Variants in SCNN1B observed in about 807,000 individuals in gnomAD.
The protein encoded by SCNN1B is epithelial sodium channel subunit beta.
SCNN1B carries 46 observed loss-of-function variants against 65.3 expected under a neutral mutation model. The observed-to-expected ratio is 0.70, with a 90% CI of 0.56 to 0.90. The LOEUF (loss-of-function observed/expected upper bound fraction) is 0.90, where lower values mean the gene tolerates loss of function less well. Among genes scored for constraint, SCNN1B ranks in the 40% least tolerant of loss-of-function variants. SCNN1B has a pLI of 0.00. For missense variants in SCNN1B, 751 were observed against 830.5 expected (o/e 0.90, Z 1.18); for synonymous variants, 349 against 330.6 (o/e 1.06, Z -0.60).
At chr16:23,328,614 G>C (rs1473489104) in intron 1 of SCNN1B, among the ~76,000 whole-genome samples, 1 of 152,178 alleles carries the variant, frequency 6.6e-6, no homozygotes, top group African/African-American at 2.4e-5. Flanking sequence ...GAACCCAGGA[G>C]GTACTGGAAA....
intron 1 of SCNN1B, among the ~76,000 whole-genome samples, chr16:23,280,990 T>C (rs1960776668): frequency 6.6e-6 from 1 of 152,016 alleles, no homozygotes; most frequent in African/African-American, 2.4e-5. Context: ...GCCAGAAAAA[T>C]TTAGAGTACA....
At chr16:23,369,654 C>T (rs76377130) in intron 5 of SCNN1B, among the ~76,000 whole-genome samples, 11,905 of 152,120 alleles carry the variant, frequency 0.078, 565 homozygotes, top group South Asian at 0.19. Flanking sequence ...CCATCGGGGC[C>T]GCTGGCCAAG....
intron 2 of SCNN1B, among the ~76,000 whole-genome samples, chr16:23,351,180 C>T (rs1156337286): frequency 6.6e-6 from 1 of 152,156 alleles, no homozygotes; most frequent in Non-Finnish European, 1.5e-5. Flanking sequence ...TTGGTGGGTT[C>T]TTAGAGCTGC....
chr16:23,336,122 A>T (rs1961934222), intron 1 of SCNN1B, among the ~76,000 whole-genome samples: 1 of 152,102 alleles, frequency 6.6e-6, no homozygotes, highest in Non-Finnish European at 1.5e-5. Flanking sequence ...AAGCCAGGCA[A>T]TCTGGTTTCT....
rs200100037 is a variant in SCNN1B at position 23,377,720 on chromosome 16, T to C, written c.1404+334T>C. 1.2e-3 allele frequency among the ~76,000 whole-genome samples: 11 copies of C among 9,106 alleles called. No homozygotes were observed. In the South Asian group the frequency reaches 0.039, roughly 32 times the overall value. 6.0% of individuals were successfully genotyped at this position (9,106 alleles called of 152,430 possible). A position where few individuals can be genotyped will look rare whatever the true frequency, so the allele number is the denominator to read the frequency against. On this transcript the variant is annotated intron_variant, in intron 10 of 12. Coordinates refer to ENST00000343070, the MANE Select transcript of SCNN1B (RefSeq NM_000336.3). ...CTTCCTTCTTTCCTTTCCTCCTTCC[T>C]TCTCCCTCCCTCCCCACTTCTGTTT...
intron 1 of SCNN1B, among the ~76,000 whole-genome samples, chr16:23,315,153 A>G (rs557840226): frequency 5.9e-5 from 9 of 152,182 alleles, no homozygotes; most frequent in Middle Eastern, 3.4e-3. Context: ...CCTGACCAAC[A>G]TGGAGAAATC....
In SCNN1B at chr16:23,365,603, A is replaced by AAGAGAG. The variant is rs1491364246; in HGVS notation, c.777-2250_777-2249insGAGAGA. On this transcript the variant is annotated intron_variant, in intron 4 of 12. Transcript: ENST00000343070. ...AGAAAGAAAGAGAAAGAAAGAAAGA[A>AAGAGAG]AGAAAGAAAGAAAGAAAAAAGAAAG... Among the ~76,000 whole-genome samples, 94 of 93,750 alleles carry AAGAGAG rather than the reference A, an allele frequency of 1.0e-3. 2 individuals are homozygous for AAGAGAG. In the South Asian group the frequency reaches 0.017, roughly 17 times the overall value. The allele number at this position is 93,750 out of a possible 152,430, so 61.5% of individuals were successfully genotyped here. A position where few individuals can be genotyped will look rare whatever the true frequency, so the allele number is the denominator to read the frequency against.
intron 10 of SCNN1B, among the ~76,000 whole-genome samples, chr16:23,377,607 C>G (rs868638999): frequency 8.8e-6 from 1 of 113,266 alleles, no homozygotes; most frequent in South Asian, 2.7e-4. Flanking sequence ...TCCTTCCTTC[C>G]TTCTTTCTTC....
intron 2 of SCNN1B, among the ~76,000 whole-genome samples, chr16:23,352,027 G>A (rs915679475): frequency 5.3e-5 from 8 of 152,292 alleles, no homozygotes; most frequent in South Asian, 4.1e-4. Flanking sequence ...ATATGGGGAC[G>A]GTAACAGACT....
chr16:23,343,704 A>C (rs1237768864), intron 1 of SCNN1B, among the ~76,000 whole-genome samples: 1 of 152,082 alleles, frequency 6.6e-6, no homozygotes, highest in Non-Finnish European at 1.5e-5. Context: ...TTCCACATTT[A>C]TTGTTTTTGC....
intron 1 of SCNN1B, among the ~76,000 whole-genome samples, chr16:23,321,162 C>T (rs1961578981): frequency 1.3e-5 from 2 of 152,202 alleles, no homozygotes; most frequent in South Asian, 4.1e-4. Flanking sequence ...CTGCCTCAGC[C>T]TCCTAAGTAG....
upstream of SCNN1B, among the ~76,000 whole-genome samples, chr16:23,298,427 C>A (rs536052674): frequency 2.0e-5 from 3 of 152,272 alleles, no homozygotes; most frequent in Admixed American, 6.5e-5. Flanking sequence ...TATTTATACC[C>A]ACTTTTAATG....
rs191163708 is a variant in SCNN1B at position 23,306,737 on chromosome 16, A to G, written c.-9+4300A>G. Among the ~76,000 whole-genome samples, 246 of 152,354 alleles carry G rather than the reference A, an allele frequency of 1.6e-3. 2 individuals carry two copies. Among genetic ancestry groups the G allele is most frequent in the African/African-American group, 5.3e-3 (220 of 41,588 alleles). On this transcript the variant is annotated intron_variant, in intron 1 of 12. Coordinates refer to ENST00000343070, the MANE Select transcript of SCNN1B (RefSeq NM_000336.3). ...GAAAAGCATTCCACACAGTGGAAAC[A>G]GTCTTTACAAAAGCCTAGAGGCATG... is the stretch of plus-strand genomic sequence containing the variant.
intron 1 of SCNN1B, chr16:23,278,431 T>C (rs1596800836): frequency 6.6e-6 from 1 of 151,982 alleles, no homozygotes; most frequent in African/African-American, 2.4e-5. Flanking sequence ...TTGCTTTGTT[T>C]TGAGACAGTC....
At chr16:23,377,085 C>A in intron 8 of SCNN1B, 80 bp from the exon 9 acceptor site, 1 of 1,295,898 alleles carries the variant, frequency 7.7e-7, no homozygotes, top group Non-Finnish European at 1.1e-6. Flanking sequence ...GCAGAGGGGC[C>A]AGCCAGAGGC....
chr16:23,302,311 C>A lies in SCNN1B; in HGVS notation c.-135C>A, dbSNP rs1596815418. On this transcript the variant is annotated 5_prime_UTR_variant, in exon 1 of 13. Transcript: ENST00000343070. ...GAACCTGCTCCCTCCCAGTCGGTCT[C>A]GCCGCGCTCGCCGGGTGTCCCAGTG... 2 of 153,880 alleles carry A rather than the reference C, an allele frequency of 1.3e-5. No individual in the cohort carries two copies. The highest frequency in any genetic ancestry group is 1.9e-4 in the South Asian group (1 of 5,272). 9.5% of individuals were successfully genotyped at this position (153,880 alleles called of 1,614,324 possible). A position where few individuals can be genotyped will look rare whatever the true frequency, so the allele number is the denominator to read the frequency against.
intron 1 of SCNN1B, among the ~76,000 whole-genome samples, chr16:23,311,752 T>C (rs1232508114): frequency 1.3e-5 from 2 of 151,952 alleles, no homozygotes; most frequent in Admixed American, 1.3e-4. Context: ...GTTTTAGAGA[T>C]TGGTGGGGAG....
chr16:23,334,810 C>T (rs1961902611), intron 1 of SCNN1B, among the ~76,000 whole-genome samples: 1 of 152,202 alleles, frequency 6.6e-6, no homozygotes, highest in Non-Finnish European at 1.5e-5. Flanking sequence ...GGGTCATGGG[C>T]TGTCACATTT....
rs572414109 is a variant in SCNN1B, at chr16:23,380,056, G to A, written c.1467-38G>A. ...TGTGTGTCTGTCTGTTTGGAAGGGG[G>A]ATACATTAGTCCCGGCCCTTCTCGC... is the stretch of plus-strand genomic sequence containing the variant. On this transcript the variant is annotated intron_variant, in intron 11 of 12. Coordinates refer to ENST00000343070, the MANE Select transcript of SCNN1B (RefSeq NM_000336.3). The surrounding 1 kb of genome is among the most constrained non-coding windows in gnomAD (Gnocchi z 5.4). 32 of 1,481,358 alleles carry A rather than the reference G, an allele frequency of 2.2e-5. No individual in the cohort carries two copies. The South Asian group carries it at 2.8e-4, about 13-fold the overall frequency. 91.8% of individuals were successfully genotyped at this position (1,481,358 alleles called of 1,614,324 possible). A position where few individuals can be genotyped will look rare whatever the true frequency, so the allele number is the denominator to read the frequency against.
Sources: allele counts gnomAD v4.1 joint callset (sites outside exome capture counted in the v4.1 genomes callset), GRCh38; gene constraint gnomAD v4.1.1; non-coding constraint Gnocchi (gnomAD v3.1); transcripts MANE v1.5; gene names NCBI Gene and HGNC (gene_info 2026-07-23, HGNC 2026-07-21).